SGCZ: variants seen among roughly 807,000 people sequenced by gnomAD.
The protein encoded by SGCZ is sarcoglycan zeta.
A neutral mutation model predicts 41.3 loss-of-function variants in SGCZ; 40 were observed. The observed-to-expected ratio is 0.97, with a 90% CI of 0.75 to 1.26. The LOEUF (loss-of-function observed/expected upper bound fraction) is 1.26, where lower values mean the gene tolerates loss of function less well. Ranked by LOEUF, SGCZ falls within the 50% of genes most tolerant of loss-of-function variation. SGCZ has a pLI of 0.00. For synonymous variants in SGCZ, 206 were observed against 137.5 expected (o/e 1.50, Z -3.49); for missense variants, 552 against 369.8 (o/e 1.49, Z -4.04).
chr8:14,108,071 C>T (rs1563130873), intron 6 of SGCZ, 92 bp downstream of exon 6: 11 of 898,306 alleles, frequency 1.2e-5, no homozygotes, highest in Non-Finnish European at 1.6e-5. Flanking sequence ...TTGGGAGAAA[C>T]ATTTGTCTAG....
intron 1 of SGCZ, among the ~76,000 whole-genome samples, chr8:14,736,984 T>C (rs1799055667): frequency 2.6e-5 from 4 of 151,300 alleles, no homozygotes; most frequent in Admixed American, 2.6e-4. Flanking sequence ...CAAATCCACA[T>C]CAATCAACAA....
intron 1 of SGCZ, among the ~76,000 whole-genome samples, chr8:14,801,563 C>T (rs1045450916): frequency 2.6e-5 from 4 of 151,952 alleles, no homozygotes; most frequent in African/African-American, 4.8e-5. Flanking sequence ...AAGAACAGAT[C>T]GTAAAGTAAA....
At chr8:15,015,452 C>G (rs1032581457) in intron 1 of SGCZ, among the ~76,000 whole-genome samples, 2 of 151,938 alleles carry the variant, frequency 1.3e-5, no homozygotes, top group African/African-American at 4.8e-5. Flanking sequence ...GTAATCCCAG[C>G]ACTTTGGGAG....
At chr8:14,134,864 A>G (rs1803149587) in intron 5 of SGCZ, among the ~76,000 whole-genome samples, 1 of 135,120 alleles carries the variant, frequency 7.4e-6, no homozygotes, top group African/African-American at 2.5e-5. Context: ...TTACTGTTTG[A>G]TATGTTTTTT....
intron 1 of SGCZ, among the ~76,000 whole-genome samples, chr8:14,614,088 C>T (rs901745007): frequency 2.0e-5 from 3 of 152,140 alleles, no homozygotes; most frequent in Admixed American, 6.6e-5. Context: ...GTAACAAACA[C>T]TAGATTTAAT....
intron 1 of SGCZ, among the ~76,000 whole-genome samples, chr8:14,659,214 T>C (rs903371610): frequency 3.9e-5 from 6 of 152,150 alleles, no homozygotes; most frequent in Non-Finnish European, 7.4e-5. Flanking sequence ...AACAACGTAG[T>C]ATATACTTCA....
intron 3 of SGCZ, among the ~76,000 whole-genome samples, chr8:14,317,806 A>G (rs1192224482): frequency 6.6e-6 from 1 of 152,018 alleles, no homozygotes; most frequent in African/African-American, 2.4e-5. Context: ...CCAACCTAAC[A>G]CAAAGATGTC....
intron 2 of SGCZ, among the ~76,000 whole-genome samples, chr8:14,356,124 A>C (rs926477510): frequency 6.6e-6 from 1 of 152,208 alleles, no homozygotes; most frequent in Admixed American, 6.6e-5. Flanking sequence ...GCAATGCTGT[A>C]CTGTATTGCA....
Position 14,761,666 on chromosome 8 carries a change from C to T in SGCZ, c.40-206740G>A, listed in dbSNP as rs530966066. 8.6e-4 allele frequency among the ~76,000 whole-genome samples: 130 copies of T among 151,746 alleles called. 2 individuals carry two copies. The highest frequency in any genetic ancestry group is 1.1e-3 in the Admixed American group (17 of 15,226). On this transcript the variant is annotated intron_variant, in intron 1 of 7. Coordinates refer to ENST00000382080, the MANE Select transcript of SGCZ (RefSeq NM_139167.4). ...AGCTTCAGGAGATTAGCTGGGATTA[C>T]CGGTATGCGCCGCCACACCTGGCTA... is the stretch of plus-strand genomic sequence containing the variant.
At chr8:14,369,153 T>G (rs537128317) in intron 2 of SGCZ, among the ~76,000 whole-genome samples, 140 of 152,000 alleles carry the variant, frequency 9.2e-4, no homozygotes, top group Non-Finnish European at 1.6e-3. Flanking sequence ...TGTACAAATC[T>G]TATTTGTATT....
chr8:14,661,174 G>C (rs1807736371), intron 1 of SGCZ, among the ~76,000 whole-genome samples: 1 of 152,148 alleles, frequency 6.6e-6, no homozygotes, highest in East Asian at 1.9e-4. Flanking sequence ...CATTTAGGTA[G>C]TTTGTGCCCC....
At chr8:14,367,424 C>T (rs573019397) in intron 2 of SGCZ, among the ~76,000 whole-genome samples, 2 of 152,164 alleles carry the variant, frequency 1.3e-5, no homozygotes, top group East Asian at 3.9e-4. Context: ...TTTGAGCTCT[C>T]TCTATAGCAG....
chr8:15,155,984 G>A (rs1799318434), intron 1 of SGCZ, among the ~76,000 whole-genome samples: 1 of 148,960 alleles, frequency 6.7e-6, no homozygotes, highest in African/African-American at 2.5e-5. Context: ...CTTGAACTTG[G>A]GAGGCAGAGG....
intron 1 of SGCZ, among the ~76,000 whole-genome samples, chr8:15,134,304 C>CTTTTTT (rs59649473): frequency 4.1e-5 from 6 of 145,716 alleles, no homozygotes; most frequent in Admixed American, 1.4e-4. Flanking sequence ...AGCATTAGGT[C>CTTTTTT]TTTTTTTTTT....
chr8:14,303,733 T>A (rs758166060), intron 3 of SGCZ, among the ~76,000 whole-genome samples: 3 of 152,034 alleles, frequency 2.0e-5, no homozygotes, highest in Non-Finnish European at 4.4e-5. Flanking sequence ...TATATATATA[T>A]AGATATCAAA....
intron 2 of SGCZ, among the ~76,000 whole-genome samples, chr8:14,513,520 A>G (rs368320362): frequency 7.0e-6 from 1 of 143,408 alleles, no homozygotes; most frequent in Non-Finnish European, 1.5e-5. Flanking sequence ...TTCTAAACTA[A>G]TTAATAATAT....
intron 4 of SGCZ, among the ~76,000 whole-genome samples, chr8:14,182,328 A>G (rs965644583): frequency 6.6e-6 from 1 of 152,172 alleles, no homozygotes; most frequent in Non-Finnish European, 1.5e-5. Context: ...GAGAATCCAT[A>G]CATCCTGGAG....
Position 14,551,498 on chromosome 8 carries a change from T to TAA in SGCZ, c.234+3233_234+3234insTT, listed in dbSNP as rs1563404310. Among the ~76,000 whole-genome samples the TAA allele has an allele frequency of 2.1e-3, 21 of 10,000 alleles. 1 individual carries two copies. Among genetic ancestry groups the TAA allele is most frequent in the African/African-American group, 9.0e-3 (19 of 2,110 alleles). The allele number at this position is 10,000 out of a possible 152,430, so 6.6% of individuals were successfully genotyped here. On this transcript the variant is annotated intron_variant, in intron 2 of 7. Coordinates refer to ENST00000382080, the MANE Select transcript of SGCZ (RefSeq NM_139167.4). ...TTATATATTATATATATTATATATA[T>TAA]TATATATATTATATATATTATATAT... is the stretch of plus-strand genomic sequence containing the variant.
chr8:14,953,398 G>A (rs1012728418), intron 1 of SGCZ, among the ~76,000 whole-genome samples: 15 of 152,050 alleles, frequency 9.9e-5, no homozygotes, highest in African/African-American at 3.4e-4. Context: ...TTCAATCGCC[G>A]TCCACTAGGT....
Sources: gnomAD v4.1 joint callset for allele counts (sites outside exome capture counted in the v4.1 genomes callset) on GRCh38, gnomAD v4.1.1 for gene constraint, MANE v1.5 for transcripts, NCBI Gene and HGNC (gene_info 2026-07-23, HGNC 2026-07-21) for gene names.